The following OLFM3 variants were observed in gnomAD, a reference collection of about 807,000 sequenced individuals.
OLFM3 encodes noelin-3.
Under a neutral mutation model 48.6 loss-of-function variants are expected in OLFM3, and 20 were observed. The ratio of observed to expected loss-of-function variants is 0.41; its 90% confidence interval spans 0.29 to 0.60. OLFM3 has a LOEUF of 0.60. OLFM3 is among the 20% of genes least tolerant of loss of function. The probability of loss-of-function intolerance (pLI) is 0.28; values close to 1 mark genes in which losing one functional copy is unlikely to be tolerated. For missense variants in OLFM3, 437 were observed against 544.3 expected, an observed-to-expected ratio of 0.80 and a Z score of 1.96; for synonymous variants, 222 against 198.1, an observed-to-expected ratio of 1.12 and a Z score of -1.01.
At chr1:101,956,103 T>TTTTTTTTTA (rs781231551) in intron 1 of OLFM3, among the ~76,000 whole-genome samples, 4 of 143,360 alleles carry the variant, frequency 2.8e-5, no homozygotes, top group African/African-American at 1.1e-4. Flanking sequence ...TTTTTTTTTT[T>TTTTTTTTTA]AAAAAAAACC....
rs138099610 is a variant in OLFM3 at position 101,921,952 on chromosome 1, G to A, written c.69+74796C>T. Among the ~76,000 whole-genome samples the A allele has an allele frequency of 6.2e-3, 950 of 152,120 alleles. 12 individuals are homozygous for A. The highest frequency in any genetic ancestry group is 0.022 in the African/African-American group (897 of 41,502). On this transcript the variant is annotated intron_variant, in intron 1 of 5. Transcript: ENST00000370103. The stretch of plus-strand genomic sequence containing the variant: ...CGGGTGCCTGTAGTCCCAGCTACTC[G>A]GGAGGCTGAGGCAGAAGAATGGCTT...
rs34137812 is a variant in OLFM3, at chr1:101,940,342, AT to A, written c.69+56405del. Reference sequence around the variant, plus strand: ...ATGTGCTATGGAAATGTTTTGGAACATTTTTTTTTTTTTTTGGCTCTGCATT... The same window carrying A: ...ATGTGCTATGGAAATGTTTTGGAACATTTTTTTTTTTTTTGGCTCTGCATT... On this transcript the variant is annotated intron_variant, in intron 1 of 5. Coordinates refer to ENST00000370103, the MANE Select transcript of OLFM3 (RefSeq NM_058170.4). 8.8e-3 allele frequency among the ~76,000 whole-genome samples: 1,187 copies of A among 135,220 alleles called. 14 individuals are homozygous for A. The highest frequency in any genetic ancestry group is 0.022 in the African/African-American group (798 of 36,222). 88.7% of individuals were successfully genotyped at this position (135,220 alleles called of 152,430 possible).
At chr1:101,944,634 C>T (rs1239522813) in intron 1 of OLFM3, among the ~76,000 whole-genome samples, 1 of 152,130 alleles carries the variant, frequency 6.6e-6, no homozygotes, top group Non-Finnish European at 1.5e-5. Context: ...AATCCCAGCA[C>T]TTTGGGAGTC....
Position 101,804,168 on chromosome 1 carries a change from A to C in OLFM3, c.*70T>G. ...GATGAAAAATAATAGTGAAGAAAAA[A>C]ACGGAAGGGGTCTTATAGAGTTTAT... On this transcript the variant is annotated 3_prime_UTR_variant, in exon 6 of 6. Transcript: ENST00000370103. The surrounding 1 kb of genome is among the most constrained non-coding windows in gnomAD (Gnocchi z 4.5). The C allele has an allele frequency of 8.3e-7, 1 of 1,204,348 alleles. No individual in the cohort carries two copies. The highest frequency in any genetic ancestry group is 1.7e-5 in the South Asian group (1 of 57,296). 74.6% of individuals were successfully genotyped at this position (1,204,348 alleles called of 1,614,324 possible). A position where few individuals can be genotyped will look rare whatever the true frequency, so the allele number is the denominator to read the frequency against.
At position 101,804,568 on chromosome 1, in the gene OLFM3, A is replaced by G. The variant is rs762889750; in HGVS notation, c.1047T>C (p.Ile349=). ...TATCTTGGTTAAGTTGGCTGATGACAATATTGCCTGCATTCTGGTTAGTTG... is the reference window on the plus strand; with the variant it reads ...TATCTTGGTTAAGTTGGCTGATGACGATATTGCCTGCATTCTGGTTAGTTG... ...VYATNQNAGN[I]VISQLNQDTL... Residue 349 remains isoleucine (I), a synonymous_variant, in exon 6 of 6, where the codon ATT becomes ATC. Coordinates refer to ENST00000370103, the MANE Select transcript of OLFM3 (RefSeq NM_058170.4). The surrounding 1 kb of genome is among the most constrained non-coding windows in gnomAD (Gnocchi z 4.5). The G allele has an allele frequency of 1.2e-6, 2 of 1,612,576 alleles. No homozygotes were observed. Among genetic ancestry groups the G allele is most frequent in the Non-Finnish European group, 1.7e-6 (2 of 1,179,148 alleles).
intron 4 of OLFM3, among the ~76,000 whole-genome samples, chr1:101,820,666 T>C (rs551665664): frequency 6.6e-6 from 1 of 152,214 alleles, no homozygotes; most frequent in South Asian, 2.1e-4. Flanking sequence ...CCCAGTGGTC[T>C]TGATGACTTA....
At chr1:101,828,042 G>GTCTC (rs1654957402) in intron 3 of OLFM3, among the ~76,000 whole-genome samples, 2 of 122,738 alleles carry the variant, frequency 1.6e-5, no homozygotes, top group Non-Finnish European at 3.5e-5. Flanking sequence ...CTGTCTGTCT[G>GTCTC]TCTGTCTGTC....
chr1:101,962,438 A>T (rs966769663), intron 1 of OLFM3, among the ~76,000 whole-genome samples: 3 of 152,106 alleles, frequency 2.0e-5, no homozygotes, highest in Non-Finnish European at 2.9e-5. Flanking sequence ...TTTTTTAGAG[A>T]ATTGAGCTTT....
At chr1:101,977,914 T>C (rs1417126521) in intron 1 of OLFM3, among the ~76,000 whole-genome samples, 1 of 152,140 alleles carries the variant, frequency 6.6e-6, no homozygotes, top group African/African-American at 2.4e-5. Context: ...ATAATATGTT[T>C]ATACTTTGTT....
At chr1:101,853,197 G>C (rs960477205) in intron 1 of OLFM3, among the ~76,000 whole-genome samples, 1 of 151,884 alleles carries the variant, frequency 6.6e-6, no homozygotes, top group African/African-American at 2.4e-5. Flanking sequence ...TCTCCCCTTT[G>C]TTAACTCCTC....
At chr1:101,884,559 C>T (rs182473036) in intron 1 of OLFM3, among the ~76,000 whole-genome samples, 5 of 151,684 alleles carry the variant, frequency 3.3e-5, no homozygotes, top group Admixed American at 6.6e-5. Context: ...GGAAGAGAGG[C>T]GAGCACCAGG....
chr1:101,838,823 T>A lies in OLFM3; in HGVS notation c.70-1798A>T, dbSNP rs553437868. Among the ~76,000 whole-genome samples the A allele has an allele frequency of 2.1e-3, 316 of 152,304 alleles. 1 individual carries two copies. Among genetic ancestry groups the A allele is most frequent in the African/African-American group, 7.3e-3 (304 of 41,566 alleles). On this transcript the variant is annotated intron_variant, in intron 1 of 5. Coordinates refer to ENST00000370103, the MANE Select transcript of OLFM3 (RefSeq NM_058170.4). ...TAACTAAAGCATGAACCAGGTTGAC[T>A]TCTTTCTCCACAGATTTACCATAGT... is the stretch of plus-strand genomic sequence containing the variant.
At chr1:101,943,314 C>A (rs940877249) in intron 1 of OLFM3, among the ~76,000 whole-genome samples, 1 of 152,160 alleles carries the variant, frequency 6.6e-6, no homozygotes, top group Non-Finnish European at 1.5e-5. Flanking sequence ...GGGCTATGAG[C>A]TTCAGCATGC....
At chr1:101,995,535 C>T (rs1661533445) in intron 1 of OLFM3, among the ~76,000 whole-genome samples, 1 of 152,020 alleles carries the variant, frequency 6.6e-6, no homozygotes, top group Non-Finnish European at 1.5e-5. Context: ...TCATCAGGTC[C>T]TTCTAAATAT....
At chr1:101,946,790 C>T (rs938765574) in intron 1 of OLFM3, among the ~76,000 whole-genome samples, 3 of 151,998 alleles carry the variant, frequency 2.0e-5, no homozygotes, top group Non-Finnish European at 4.4e-5. Flanking sequence ...AGTAGATAAA[C>T]CAGCCAATAA....
chr1:101,919,929 T>A lies in OLFM3; in HGVS notation c.69+76819A>T, dbSNP rs569095914. Among the ~76,000 whole-genome samples, 6 of 152,292 alleles carry A rather than the reference T, an allele frequency of 3.9e-5. No homozygotes were observed. In the East Asian group the frequency reaches 7.7e-4, roughly 20 times the overall value. On this transcript the variant is annotated intron_variant, in intron 1 of 5. Transcript: ENST00000370103. ...AAAATTGCACAAGTAATGTTCTCTA[T>A]CTCAGTAAATGGCAACTCTATTCTG...
At chr1:101,890,678 G>A (rs950911417) in intron 1 of OLFM3, among the ~76,000 whole-genome samples, 6 of 142,240 alleles carry the variant, frequency 4.2e-5, no homozygotes, top group African/African-American at 1.0e-4. Context: ...TATTCACCAA[G>A]TTCATTATGC....
chr1:101,836,745 G>T, intron 2 of OLFM3, 134 bp downstream of exon 2: 1 of 870,000 alleles, frequency 1.1e-6, no homozygotes, highest in African/African-American at 1.7e-5. Context: ...TCAAGGATCA[G>T]AAAAAAAAGC....
intron 1 of OLFM3, among the ~76,000 whole-genome samples, chr1:101,990,951 C>T (rs1324819266): frequency 1.5e-5 from 2 of 132,342 alleles, no homozygotes; most frequent in East Asian, 4.5e-4. Context: ...TGCCACTGCA[C>T]TCCAGCCTGG....
Sources: gnomAD v4.1 joint callset for allele counts (sites outside exome capture counted in the v4.1 genomes callset) on GRCh38, gnomAD v4.1.1 for gene constraint, Gnocchi (gnomAD v3.1) non-coding constraint, MANE v1.5 for transcripts, NCBI Gene and HGNC (gene_info 2026-07-23, HGNC 2026-07-21) for gene names.